Variants in GRAMD2B observed in about 807,000 individuals in gnomAD.
GRAMD2B encodes the protein GRAM domain containing 2B.
In GRAMD2B, 41 loss-of-function variants were observed where a neutral mutation model predicts 59.2. The observed-to-expected ratio is 0.69, with a 90% CI of 0.54 to 0.90. The LOEUF (loss-of-function observed/expected upper bound fraction) is 0.90. Ranked by LOEUF, GRAMD2B falls within the 40% of genes least tolerant of loss-of-function variation. The pLI is 0.00. For synonymous variants in GRAMD2B, 161 were observed against 182.7 expected (o/e 0.88, Z 0.96); for missense variants, 424 against 500.5 (o/e 0.85, Z 1.46).
intron 3 of GRAMD2B, among the ~76,000 whole-genome samples, chr5:126,470,412 T>C (rs1769325422): frequency 6.6e-6 from 1 of 152,146 alleles, no homozygotes; most frequent in Non-Finnish European, 1.5e-5. Context: ...CCCAAGAAAT[T>C]TAAATATGAA....
intron 6 of GRAMD2B, among the ~76,000 whole-genome samples, chr5:126,478,399 C>T (rs1771059048): frequency 6.6e-6 from 1 of 152,092 alleles, no homozygotes; most frequent in Non-Finnish European, 1.5e-5. Flanking sequence ...GATTGTGCCA[C>T]TGCACTCCAG....
At chr5:126,442,047 C>T (rs185819377) in intron 1 of GRAMD2B, among the ~76,000 whole-genome samples, 7 of 151,760 alleles carry the variant, frequency 4.6e-5, no homozygotes, top group South Asian at 2.1e-4. Context: ...TAAAGTCTCA[C>T]AATGTCCTAA....
intron 1 of GRAMD2B, among the ~76,000 whole-genome samples, chr5:126,448,150 C>T (rs775346216): frequency 2.0e-4 from 31 of 152,094 alleles, no homozygotes; most frequent in African/African-American, 4.1e-4. Flanking sequence ...GCCACAGCAC[C>T]TGACCCCATT....
In GRAMD2B at chr5:126,416,325, G is replaced by T. The variant is rs1014708486; in HGVS notation, c.125+44758G>T. Among the ~76,000 whole-genome samples, 4 of 151,834 alleles carry T rather than the reference G, an allele frequency of 2.6e-5. No individual in the cohort carries two copies. In the South Asian group the frequency reaches 6.2e-4, roughly 24 times the overall value. On this transcript the variant is annotated intron_variant, in intron 1 of 8. Coordinates refer to the GRAMD2B transcript ENST00000506445. ...GAAATTATTGTCATATTTCTTTTTCGCTTACTTCTTTTCTTCCTGCAAAGT... is the reference window on the plus strand; with the variant it reads ...GAAATTATTGTCATATTTCTTTTTCTCTTACTTCTTTTCTTCCTGCAAAGT...
chr5:126,366,020 A>G (rs1431501414), intron 1 of GRAMD2B, among the ~76,000 whole-genome samples: 3 of 152,278 alleles, frequency 2.0e-5, no homozygotes, highest in East Asian at 1.9e-4. Context: ...TGCAAGATCA[A>G]CTTTCTAATC....
intron 1 of GRAMD2B, among the ~76,000 whole-genome samples, chr5:126,447,948 C>T (rs57425227): frequency 0.18 from 26,536 of 151,310 alleles, 2,495 homozygotes; most frequent in Non-Finnish European, 0.21. Context: ...CAACCTCCGC[C>T]TCCCAGGTTC....
At chr5:126,441,121 G>T (rs1205246480) in intron 1 of GRAMD2B, among the ~76,000 whole-genome samples, 1 of 151,730 alleles carries the variant, frequency 6.6e-6, no homozygotes, top group Non-Finnish European at 1.5e-5. Flanking sequence ...GAATGAGCGT[G>T]TATTATGGCA....
intron 8 of GRAMD2B, among the ~76,000 whole-genome samples, chr5:126,481,866 G>A (rs745707569): frequency 3.3e-5 from 5 of 151,900 alleles, no homozygotes; most frequent in Non-Finnish European, 7.4e-5. Context: ...TACTCAGGAG[G>A]CCGAGGCAGG....
intron 1 of GRAMD2B, among the ~76,000 whole-genome samples, chr5:126,408,689 C>CT (rs34569546): frequency 0.8 from 117,048 of 145,766 alleles, 47,171 homozygotes; most frequent in Non-Finnish European, 0.86. Context: ...GCCTGAGACT[C>CT]TTTTTTTTTT....
intron 1 of GRAMD2B, among the ~76,000 whole-genome samples, chr5:126,361,616 A>C (rs1204558951): frequency 6.6e-6 from 1 of 152,032 alleles, no homozygotes; most frequent in Non-Finnish European, 1.5e-5. Context: ...CTCATCTTCC[A>C]TTTCTGAAAA....
At chr5:126,450,999 T>C (rs1252782110) in intron 1 of GRAMD2B, among the ~76,000 whole-genome samples, 1 of 152,250 alleles carries the variant, frequency 6.6e-6, no homozygotes, top group Non-Finnish European at 1.5e-5. Flanking sequence ...GGGCACTGCC[T>C]AGTGGAACTG....
chr5:126,409,517 C>CA (rs1561488046), intron 1 of GRAMD2B, among the ~76,000 whole-genome samples: 1 of 152,142 alleles, frequency 6.6e-6, no homozygotes, highest in Non-Finnish European at 1.5e-5. Flanking sequence ...TGTCCTTCGC[C>CA]AACTTTTTGA....
At chr5:126,393,060 G>A (rs1456274597) in intron 1 of GRAMD2B, among the ~76,000 whole-genome samples, 1 of 152,150 alleles carries the variant, frequency 6.6e-6, no homozygotes, top group African/African-American at 2.4e-5. Context: ...CAAGAAAATG[G>A]TTTAAGGACT....
intron 6 of GRAMD2B, among the ~76,000 whole-genome samples, chr5:126,478,964 A>G (rs1771176056): frequency 6.6e-6 from 1 of 152,192 alleles, no homozygotes; most frequent in Non-Finnish European, 1.5e-5. Flanking sequence ...CTTTACTAAC[A>G]GCTTGCCTAA....
intron 1 of GRAMD2B, among the ~76,000 whole-genome samples, chr5:126,459,863 A>G (rs1767020372): frequency 6.6e-6 from 1 of 152,234 alleles, no homozygotes; most frequent in African/African-American, 2.4e-5. Flanking sequence ...ATGTCTACCG[A>G]GGGCAATTTG....
At chr5:126,464,266 AT>A (rs1183897136) in intron 1 of GRAMD2B, among the ~76,000 whole-genome samples, 1 of 152,246 alleles carries the variant, frequency 6.6e-6, no homozygotes, top group Non-Finnish European at 1.5e-5. Context: ...GAAAGTGAAG[AT>A]TAGCTAATCT....
chr5:126,476,176 G>A (rs951745620), intron 5 of GRAMD2B, among the ~76,000 whole-genome samples: 8 of 152,226 alleles, frequency 5.3e-5, no homozygotes, highest in African/African-American at 1.7e-4. Context: ...AGGAGGCTGA[G>A]GCAGGAGAAT....
intron 1 of GRAMD2B, among the ~76,000 whole-genome samples, chr5:126,440,833 G>C: frequency 6.6e-6 from 1 of 152,086 alleles, no homozygotes; most frequent in Admixed American, 6.6e-5. Context: ...TAACACAATG[G>C]TATATTTTAT....
intron 1 of GRAMD2B, among the ~76,000 whole-genome samples, chr5:126,375,016 C>T (rs1400574340): frequency 2.6e-5 from 4 of 152,148 alleles, no homozygotes; most frequent in East Asian, 3.8e-4. Flanking sequence ...AACATCTTTA[C>T]GATGTTAAAT....
Sources: gnomAD v4.1 joint callset for allele counts (sites outside exome capture counted in the v4.1 genomes callset) on GRCh38, gnomAD v4.1.1 for gene constraint, MANE v1.5 for transcripts, NCBI Gene and HGNC (gene_info 2026-07-23, HGNC 2026-07-21) for gene names.